Variants in RXFP2 observed in about 807,000 individuals in gnomAD.
RXFP2 encodes relaxin receptor 2.
RXFP2 carries 68 observed loss-of-function variants against 88.6 expected under a neutral mutation model. The ratio of observed to expected loss-of-function variants is 0.77; its 90% CI spans 0.63 to 0.94. RXFP2 has a LOEUF of 0.94. RXFP2 is among the 40% of genes least tolerant of loss of function. The probability of loss-of-function intolerance (pLI) is 0.00; values close to 1 mark genes in which losing one functional copy is unlikely to be tolerated. For missense variants in RXFP2, 791 were observed against 893.9 expected, an observed-to-expected ratio of 0.88 and a Z score of 1.47; for synonymous variants, 329 against 306.8, an observed-to-expected ratio of 1.07 and a Z score of -0.76.
chr13:31,750,837 G>T (rs1447169558), intron 1 of RXFP2, among the ~76,000 whole-genome samples: 2 of 152,140 alleles, frequency 1.3e-5, no homozygotes, highest in Admixed American at 6.5e-5. Flanking sequence ...GTGTGGTAAA[G>T]AAGTGGAGAC....
intron 1 of RXFP2, 45 bp from the exon 2 acceptor site, chr13:31,758,213 G>A (rs1872058781): frequency 1.2e-6 from 2 of 1,610,546 alleles, no homozygotes; most frequent in African/African-American, 1.3e-5. Flanking sequence ...CACGGAGAGA[G>A]CTTGGCCATG....
At chr13:31,739,811 AAAAC>A in intron 1 of RXFP2, 105 bp downstream of exon 1, 1 of 765,776 alleles carries the variant, frequency 1.3e-6, no homozygotes, top group Non-Finnish European at 2.3e-6. Flanking sequence ...GTTTAAAAAA[AAAAC>A]AGACATCAAA....
intron 1 of RXFP2, among the ~76,000 whole-genome samples, chr13:31,742,278 A>C (rs1297803328): frequency 6.6e-6 from 1 of 152,172 alleles, no homozygotes; most frequent in Admixed American, 6.5e-5. Flanking sequence ...TTTTGAGGGG[A>C]GCAGTGTTTG....
At chr13:31,750,723 A>C (rs146409687) in intron 1 of RXFP2, among the ~76,000 whole-genome samples, 51 of 152,240 alleles carry the variant, frequency 3.3e-4, no homozygotes, top group Admixed American at 3.3e-3. Context: ...GGACTATGAA[A>C]GAGCCATTGG....
At chr13:31,779,368 C>CA (rs1172344011) in intron 9 of RXFP2, among the ~76,000 whole-genome samples, 1 of 152,034 alleles carries the variant, frequency 6.6e-6, no homozygotes, top group Non-Finnish European at 1.5e-5. Flanking sequence ...TCAGGTGATC[C>CA]ACCCTCCTCA....
chr13:31,764,055 G>T (rs972553994), intron 3 of RXFP2, among the ~76,000 whole-genome samples: 14 of 151,698 alleles, frequency 9.2e-5, no homozygotes, highest in Non-Finnish European at 1.5e-5. Context: ...AAGAAGAAGG[G>T]CACCTGAAAA....
At chr13:31,769,889 A>G (rs1327085572) in intron 5 of RXFP2, among the ~76,000 whole-genome samples, 1 of 151,772 alleles carries the variant, frequency 6.6e-6, no homozygotes, top group East Asian at 1.9e-4. Flanking sequence ...CATAGTCACT[A>G]CTCCTCTCAT....
chr13:31,764,946 G>A (rs1269406470), intron 3 of RXFP2, 91 bp from the exon 4 acceptor site: 11 of 741,678 alleles, frequency 1.5e-5, no homozygotes, highest in Admixed American at 7.5e-5. Context: ...TTATACATTC[G>A]ATGAAAAGAA....
At chr13:31,742,294 C>T (rs897221151) in intron 1 of RXFP2, among the ~76,000 whole-genome samples, 5 of 152,134 alleles carry the variant, frequency 3.3e-5, no homozygotes, top group Admixed American at 2.0e-4. Flanking sequence ...GTTTGACTGC[C>T]CCCTAGTGGC....
At chr13:31,784,930 C>G (rs7990977) in intron 11 of RXFP2, among the ~76,000 whole-genome samples, 67,261 of 152,048 alleles carry the variant, frequency 0.44, 14,993 homozygotes, top group East Asian at 0.58. Flanking sequence ...TCTTCCTCCC[C>G]CAACTCCCAG....
chr13:31,777,110 A>G (rs922575822), intron 7 of RXFP2, among the ~76,000 whole-genome samples: 2 of 152,160 alleles, frequency 1.3e-5, no homozygotes, highest in Non-Finnish European at 2.9e-5. Context: ...GACAGATACA[A>G]CCTGGGTCTT....
At chr13:31,762,400 G>A (rs1872341390) in intron 3 of RXFP2, among the ~76,000 whole-genome samples, 1 of 152,068 alleles carries the variant, frequency 6.6e-6, no homozygotes, top group African/African-American at 2.4e-5. Flanking sequence ...AAACACTGGG[G>A]TCAGAAGATG....
intron 1 of RXFP2, among the ~76,000 whole-genome samples, chr13:31,741,541 G>A (rs1871224176): frequency 6.6e-6 from 1 of 152,052 alleles, no homozygotes; most frequent in South Asian, 2.1e-4. Flanking sequence ...AAGAGTAAAG[G>A]TTGTCTTTTT....
At chr13:31,768,246 A>G (rs879901293) in intron 5 of RXFP2, among the ~76,000 whole-genome samples, 21 of 152,212 alleles carry the variant, frequency 1.4e-4, no homozygotes, top group African/African-American at 4.6e-4. Flanking sequence ...CTGCTATTTG[A>G]TGATTTGCAG....
chr13:31,755,052 A>G (rs1470849442), intron 1 of RXFP2, among the ~76,000 whole-genome samples: 1 of 152,230 alleles, frequency 6.6e-6, no homozygotes, highest in African/African-American at 2.4e-5. Flanking sequence ...TCTAGTCCCC[A>G]AAACATACCC....
chr13:31,741,114 G>A (rs1438165721), intron 1 of RXFP2, among the ~76,000 whole-genome samples: 3 of 151,886 alleles, frequency 2.0e-5, no homozygotes, highest in African/African-American at 7.2e-5. Flanking sequence ...CCGTTTATGA[G>A]ATGAAAAACA....
At chr13:31,771,556 T>G (rs1282237553) in intron 5 of RXFP2, among the ~76,000 whole-genome samples, 1 of 152,128 alleles carries the variant, frequency 6.6e-6, no homozygotes, top group Non-Finnish European at 1.5e-5. Flanking sequence ...TTTCAGAGGC[T>G]GAGGCAGGTG....
At chr13:31,782,070 G>A (rs1024229159) in intron 10 of RXFP2, among the ~76,000 whole-genome samples, 4 of 151,932 alleles carry the variant, frequency 2.6e-5, no homozygotes, top group Non-Finnish European at 5.9e-5. Context: ...GCTGTACAAT[G>A]ATTAGCTTTA....
chr13:31,785,753 A>G (rs146232783), intron 11 of RXFP2, among the ~76,000 whole-genome samples: 36 of 152,088 alleles, frequency 2.4e-4, no homozygotes, highest in African/African-American at 8.4e-4. Context: ...TTAAAGATTC[A>G]TTTCTTCTGA....
Sources: gnomAD v4.1 joint callset for allele counts (sites outside exome capture counted in the v4.1 genomes callset) on GRCh38, gnomAD v4.1.1 for gene constraint, MANE v1.5 for transcripts, NCBI Gene and HGNC (gene_info 2026-07-23, HGNC 2026-07-21) for gene names.